Variants in PLCL1 observed in about 807,000 individuals in gnomAD.
PLCL1 encodes inactive phospholipase C-like protein 1.
In PLCL1, 41 loss-of-function variants were observed where a neutral mutation model predicts 84.4. That is an observed-to-expected ratio of 0.49 (90% CI 0.38 to 0.63). The LOEUF is 0.63. Among genes scored for constraint, PLCL1 ranks in the 30% least tolerant of loss-of-function variants. The probability of loss-of-function intolerance (pLI) is 0.00; values close to 1 mark genes in which losing one functional copy is unlikely to be tolerated. For missense variants in PLCL1, 1,206 were observed against 1,367.8 expected (o/e 0.88, Z 1.87); for synonymous variants, 490 against 488.3 (o/e 1.00, Z -0.05).
intron 1 of PLCL1, among the ~76,000 whole-genome samples, chr2:197,922,594 C>T (rs1397597244): frequency 2.9e-5 from 4 of 139,206 alleles, no homozygotes; most frequent in African/African-American, 7.8e-5. Flanking sequence ...GGCAGCCGGG[C>T]AGAGGCGCCC....
At chr2:198,011,667 C>A (rs191291844) in intron 1 of PLCL1, among the ~76,000 whole-genome samples, 1 of 152,080 alleles carries the variant, frequency 6.6e-6, no homozygotes, top group East Asian at 1.9e-4. Context: ...CCTTATTGAT[C>A]TTCTCTCTGA....
At chr2:197,864,398 A>T (rs1156533381) in intron 1 of PLCL1, among the ~76,000 whole-genome samples, 10 of 148,672 alleles carry the variant, frequency 6.7e-5, no homozygotes, top group African/African-American at 2.5e-4. Context: ...TTAAGGGGTG[A>T]ACTCTCTTTG....
intron 1 of PLCL1, among the ~76,000 whole-genome samples, chr2:197,916,696 A>G (rs1688606574): frequency 6.6e-6 from 1 of 151,866 alleles, no homozygotes; most frequent in South Asian, 2.1e-4. Flanking sequence ...GATACTGCCC[A>G]AAAATAAGAG....
chr2:198,091,220 G>T (rs1183343350), intron 3 of PLCL1, among the ~76,000 whole-genome samples: 1 of 152,042 alleles, frequency 6.6e-6, no homozygotes, highest in African/African-American at 2.4e-5. Flanking sequence ...GGATGGGGTG[G>T]GTAGGGACAG....
At chr2:197,843,990 T>C (rs1390753819) in intron 1 of PLCL1, among the ~76,000 whole-genome samples, 1 of 152,164 alleles carries the variant, frequency 6.6e-6, no homozygotes, top group Non-Finnish European at 1.5e-5. Flanking sequence ...TATTATTTTG[T>C]CACATATCAA....
chr2:197,996,874 T>G (rs190566151), intron 1 of PLCL1, among the ~76,000 whole-genome samples: 2 of 152,292 alleles, frequency 1.3e-5, no homozygotes, highest in East Asian at 3.9e-4. Flanking sequence ...CATTGCTTGC[T>G]GTCAAGGCTG....
At chr2:197,848,536 T>TGGG (rs1687163638) in intron 1 of PLCL1, among the ~76,000 whole-genome samples, 1 of 152,164 alleles carries the variant, frequency 6.6e-6, no homozygotes, top group South Asian at 2.1e-4. Context: ...GATGTAAATG[T>TGGG]GGGGACTCAT....
At chr2:198,145,894 A>G (rs1342878409) in intron 5 of PLCL1, among the ~76,000 whole-genome samples, 1 of 152,138 alleles carries the variant, frequency 6.6e-6, no homozygotes, top group Non-Finnish European at 1.5e-5. Context: ...TTTCAAGGTC[A>G]CACTTTCAGG....
intron 1 of PLCL1, among the ~76,000 whole-genome samples, chr2:197,939,717 C>CTTTTT (rs869135841): frequency 3.6e-5 from 4 of 112,180 alleles, no homozygotes; most frequent in African/African-American, 1.4e-4. Flanking sequence ...CTTCAACAGA[C>CTTTTT]TTTTTTTTTT....
intron 1 of PLCL1, among the ~76,000 whole-genome samples, chr2:198,047,948 A>G (rs891937147): frequency 1.3e-5 from 2 of 152,236 alleles, no homozygotes; most frequent in Non-Finnish European, 2.9e-5. Flanking sequence ...TGGCAGATTA[A>G]GAACCTTCTG....
At chr2:197,909,367 C>T (rs1688442290) in intron 1 of PLCL1, among the ~76,000 whole-genome samples, 1 of 151,274 alleles carries the variant, frequency 6.6e-6, no homozygotes, top group Non-Finnish European at 1.5e-5. Context: ...CAGAAGTGGG[C>T]ACTAAAAATT....
chr2:197,806,037 C>T (rs1690468997), intron 1 of PLCL1, among the ~76,000 whole-genome samples: 1 of 152,228 alleles, frequency 6.6e-6, no homozygotes, highest in Admixed American at 6.5e-5. Flanking sequence ...TTGTAAACCT[C>T]TTTCCTCCCC....
At chr2:197,869,437 A>T (rs929935328) in intron 1 of PLCL1, among the ~76,000 whole-genome samples, 1 of 152,072 alleles carries the variant, frequency 6.6e-6, no homozygotes, top group East Asian at 1.9e-4. Context: ...TTATATTTAC[A>T]TAATAACTTT....
At chr2:197,951,554 T>C (rs924343237) in intron 1 of PLCL1, among the ~76,000 whole-genome samples, 1 of 152,192 alleles carries the variant, frequency 6.6e-6, no homozygotes, top group African/African-American at 2.4e-5. Flanking sequence ...GAAGCCGGTC[T>C]GCAGTGAGAA....
intron 1 of PLCL1, among the ~76,000 whole-genome samples, chr2:197,813,674 C>T (rs550447042): frequency 6.6e-6 from 1 of 151,948 alleles, no homozygotes; most frequent in African/African-American, 2.4e-5. Context: ...TGAGCATTAA[C>T]GTGTGTCAAA....
At chr2:197,868,618 GC>G (rs1429017544) in intron 1 of PLCL1, among the ~76,000 whole-genome samples, 1 of 151,734 alleles carries the variant, frequency 6.6e-6, no homozygotes. Flanking sequence ...TCCCACCTCA[GC>G]CTCCCAAGTA....
chr2:197,972,020 G>A (rs1689878502), intron 1 of PLCL1, among the ~76,000 whole-genome samples: 1 of 152,140 alleles, frequency 6.6e-6, no homozygotes, highest in Non-Finnish European at 1.5e-5. Flanking sequence ...CATGTTTATA[G>A]GCCTAGTATC....
intron 5 of PLCL1, among the ~76,000 whole-genome samples, chr2:198,135,294 T>C (rs1694229217): frequency 6.6e-6 from 1 of 152,198 alleles, no homozygotes; most frequent in African/African-American, 2.4e-5. Context: ...TTTATTGTGC[T>C]AATCACGATC....
chr2:198,093,880 C>T (rs553230525), intron 3 of PLCL1, among the ~76,000 whole-genome samples: 2 of 152,100 alleles, frequency 1.3e-5, no homozygotes, highest in South Asian at 4.2e-4. Context: ...ATAAAATATT[C>T]TAGAAAACAC....
Sources: allele counts gnomAD v4.1 joint callset (sites outside exome capture counted in the v4.1 genomes callset), GRCh38; gene constraint gnomAD v4.1.1; transcripts MANE v1.5; gene names NCBI Gene and HGNC (gene_info 2026-07-23, HGNC 2026-07-21).